The following CRYBG3 variants were observed in gnomAD, a reference collection of about 807,000 sequenced individuals.
CRYBG3 encodes the protein crystallin beta-gamma domain containing 3, also known as very large A-kinase anchor protein.
CRYBG3 carries 127 observed loss-of-function variants against 244.2 expected under a neutral mutation model. That is an observed-to-expected ratio of 0.52 (90% CI 0.45 to 0.60). The LOEUF (loss-of-function observed/expected upper bound fraction) is 0.60, where lower values mean the gene tolerates loss of function less well. CRYBG3 is among the 20% of genes least tolerant of loss of function. CRYBG3 has a pLI of 0.00. For synonymous variants in CRYBG3, 1,132 were observed against 1,195.8 expected (o/e 0.95, Z 1.10); for missense variants, 3,325 against 3,442.5 (o/e 0.97, Z 0.85).
chr3:97,900,141 A>G (rs1457828966), intron 14 of CRYBG3, among the ~76,000 whole-genome samples: 1 of 121,316 alleles, frequency 8.2e-6, no homozygotes, highest in Non-Finnish European at 1.9e-5. Flanking sequence ...AAAGCCTAGT[A>G]GTTCGACACC....
At chr3:97,904,817 C>T (rs2039748934) in intron 15 of CRYBG3, among the ~76,000 whole-genome samples, 1 of 150,452 alleles carries the variant, frequency 6.6e-6, no homozygotes. Context: ...ATACATGTGC[C>T]ATGCTGGTGC....
intron 15 of CRYBG3, among the ~76,000 whole-genome samples, chr3:97,910,730 G>A (rs1361503582): frequency 6.6e-6 from 1 of 152,216 alleles, no homozygotes; most frequent in Admixed American, 6.5e-5. Context: ...GCTGGGAGCT[G>A]TAGACCGGAG....
chr3:97,868,854 A>C (rs1377808866), intron 3 of CRYBG3, among the ~76,000 whole-genome samples: 4 of 152,186 alleles, frequency 2.6e-5, no homozygotes, highest in Non-Finnish European at 5.9e-5. Flanking sequence ...AATTTACTAT[A>C]CTAGAATGAA....
chr3:97,853,570 A>T (rs561704549), intron 2 of CRYBG3, among the ~76,000 whole-genome samples: 1 of 152,204 alleles, frequency 6.6e-6, no homozygotes, highest in Admixed American at 6.5e-5. Flanking sequence ...CTGGGTAGAT[A>T]CCCAGTTGTG....
intron 7 of CRYBG3, among the ~76,000 whole-genome samples, chr3:97,885,754 C>T (rs897448145): frequency 3.9e-5 from 6 of 152,084 alleles, no homozygotes; most frequent in Non-Finnish European, 1.5e-5. Context: ...TAGTGTGGAT[C>T]ACTAGTTTGG....
chr3:97,881,898 C>A (rs765309662), intron 7 of CRYBG3, among the ~76,000 whole-genome samples: 1 of 150,300 alleles, frequency 6.7e-6, no homozygotes, highest in South Asian at 2.1e-4. Context: ...TACTGTAATA[C>A]TCCTAGTAAT....
chr3:97,876,755 G>T lies in CRYBG3; in HGVS notation c.5561G>T (p.Gly1854Val). ...GAAAAAATATCCCCAGAAGATCGTG[G>T]TGAGAATATTGGGAAACACAAAGTG... is the stretch of plus-strand genomic sequence containing the variant. ...EMEKISPEDR[G>V]ENIGKHKVLP... The change falls in exon 4 of 22, where the codon GGT becomes GTT. Residue 1854 changes from glycine to valine, a missense_variant. Around this residue, in one of 4 missense-constraint regions of CRYBG3, gnomAD observed 635 missense variants for 771.7 expected, o/e 0.82. Transcript: ENST00000389622. The T allele has an allele frequency of 8.0e-7, 1 of 1,257,276 alleles. No individual in the cohort carries two copies. The highest frequency in any genetic ancestry group is 1.0e-6 in the Non-Finnish European group (1 of 1,003,646). 77.9% of individuals were successfully genotyped at this position (1,257,276 alleles called of 1,614,324 possible).
At chr3:97,933,896 G>A in intron 18 of CRYBG3, 63 bp downstream of exon 18, 1 of 1,462,014 alleles carries the variant, frequency 6.8e-7, no homozygotes, top group South Asian at 1.2e-5. Flanking sequence ...TTGCAGAGTT[G>A]CAAACCAAGT....
rs928411991 is a variant in CRYBG3, at chr3:97,864,580, G to A, written c.580G>A (p.Glu194Lys). 11 of 1,535,608 alleles carry A rather than the reference G, an allele frequency of 7.2e-6. No individual in the cohort carries two copies. The highest frequency in any genetic ancestry group is 4.1e-5 in the African/African-American group (3 of 72,992). ...PTEEQDSNSSELSDAFSLDTT... is the reference protein window; with the variant it reads ...PTEEQDSNSSKLSDAFSLDTT... ...AGAAGAACAAGACTCTAACTCATCC[G>A]AACTCTCAGATGCTTTTTCTTTGGA... The change falls in exon 3 of 22, where the codon GAA becomes AAA. Residue 194 changes from glutamate to lysine, a missense_variant. Glu to Lys is a moderately conservative substitution (Grantham distance 56). This residue lies in a region of CRYBG3 where 1,526 missense variants were observed against 1,443.2 expected (regional missense o/e 1.06). Transcript: ENST00000389622.
chr3:97,825,696 G>C (rs2038568662), intron 1 of CRYBG3, among the ~76,000 whole-genome samples: 1 of 152,210 alleles, frequency 6.6e-6, no homozygotes, highest in Non-Finnish European at 1.5e-5. Context: ...CCTCCACCCA[G>C]GTGGGTGGGA....
Position 97,873,870 on chromosome 3 carries a change from T to C in CRYBG3, c.2676T>C (p.Asn892=). The C allele has an allele frequency of 1.3e-6, 2 of 1,534,998 alleles. No individual in the cohort carries two copies. Among genetic ancestry groups the C allele is most frequent in the Non-Finnish European group, 1.7e-6 (2 of 1,146,124 alleles). The change falls in exon 4 of 22, where the codon AAT becomes AAC. Residue 892 remains asparagine, a synonymous_variant. Transcript: ENST00000389622. ...QGKRFQSINH[N]EIGEKCSDAG... ...AACGTTTTCAATCAATTAATCATAA[T>C]GAGATAGGAGAGAAATGTTCAGATG... is the stretch of plus-strand genomic sequence containing the variant.
At chr3:97,853,843 T>G (rs2039024886) in intron 2 of CRYBG3, among the ~76,000 whole-genome samples, 2 of 61,758 alleles carry the variant, frequency 3.2e-5, no homozygotes, top group Non-Finnish European at 8.4e-5. Flanking sequence ...ATGTTGAGCA[T>G]TTTTTCACGT....
At chr3:97,843,425 G>A (rs1185427490) in intron 2 of CRYBG3, among the ~76,000 whole-genome samples, 164 bp downstream of exon 2, 3 of 152,136 alleles carry the variant, frequency 2.0e-5, no homozygotes, top group African/African-American at 7.2e-5. Context: ...TCAGGAGGTG[G>A]GACGGGAGTC....
chr3:97,873,362 T>G lies in CRYBG3; in HGVS notation c.2168T>G (p.Leu723Arg). 6.5e-7 allele frequency: 1 copy of G among 1,535,974 alleles called. No homozygotes were observed. The highest frequency in any genetic ancestry group is 1.4e-5 in the African/African-American group (1 of 73,176). Residue 723 changes from leucine to arginine, a missense_variant, in exon 4 of 22, where the codon CTT becomes CGT. Coordinates refer to ENST00000389622, the MANE Select transcript of CRYBG3 (RefSeq NM_153605.4). ...AAGAGTCCTCCTCCTTCCTTTTGCC[T>G]TGAATATACATCTGCAATTTTTGAA... ...GRKSPPPSFC[L>R]EYTSAIFEFK...
At chr3:97,918,910 G>T (rs1000148450) in intron 17 of CRYBG3, among the ~76,000 whole-genome samples, 1 of 152,138 alleles carries the variant, frequency 6.6e-6, no homozygotes, top group Non-Finnish European at 1.5e-5. Flanking sequence ...ACATCATTGT[G>T]TCCACTCACA....
chr3:97,857,121 CT>C (rs2039076664), intron 2 of CRYBG3, among the ~76,000 whole-genome samples: 2 of 151,776 alleles, frequency 1.3e-5, no homozygotes, highest in Admixed American at 1.3e-4. Flanking sequence ...TAATTTTCTT[CT>C]TTTTTCATCG....
At chr3:97,837,241 T>A (rs1426373435) in intron 1 of CRYBG3, among the ~76,000 whole-genome samples, 1 of 152,110 alleles carries the variant, frequency 6.6e-6, no homozygotes, top group Non-Finnish European at 1.5e-5. Context: ...TATTATTTGA[T>A]CACATTTTAA....
At chr3:97,882,472 G>A (rs1003034195) in intron 7 of CRYBG3, among the ~76,000 whole-genome samples, 1 of 152,074 alleles carries the variant, frequency 6.6e-6, no homozygotes, top group East Asian at 1.9e-4. Flanking sequence ...TTAATACTAA[G>A]ATGAGAAGGG....
intron 1 of CRYBG3, among the ~76,000 whole-genome samples, chr3:97,828,974 T>G (rs1264407959): frequency 1.3e-5 from 2 of 152,090 alleles, no homozygotes; most frequent in Non-Finnish European, 2.9e-5. Flanking sequence ...TAACTTATTT[T>G]GGGGGTATGG....
Sources: allele counts gnomAD v4.1 joint callset (sites outside exome capture counted in the v4.1 genomes callset), GRCh38; gene constraint gnomAD v4.1.1; regional missense constraint gnomAD v4.1.1; transcripts MANE v1.5; gene names NCBI Gene and HGNC (gene_info 2026-07-23, HGNC 2026-07-21).